The following CSMD1 variants were observed in gnomAD, a reference collection of about 807,000 sequenced individuals.
CSMD1 encodes the protein CUB and sushi domain-containing protein 1.
In CSMD1, 213 loss-of-function variants were observed where a neutral mutation model predicts 417.5. That is an observed-to-expected ratio of 0.51 (90% CI 0.46 to 0.57). The LOEUF (loss-of-function observed/expected upper bound fraction) is 0.57, where lower values mean the gene tolerates loss of function less well. Among genes scored for constraint, CSMD1 ranks in the 20% least tolerant of loss-of-function variants. The pLI, the probability that CSMD1 is intolerant of heterozygous loss-of-function variation, is 0.00. For missense variants in CSMD1, 6,923 were observed against 4,529.7 expected, an observed-to-expected ratio of 1.53 and a Z score of -15.17; for synonymous variants, 2,862 against 1,736.8, an observed-to-expected ratio of 1.65 and a Z score of -16.11.
intron 5 of CSMD1, among the ~76,000 whole-genome samples, chr8:3,774,905 A>G (rs1306005093): frequency 6.6e-6 from 1 of 152,118 alleles, no homozygotes; most frequent in Non-Finnish European, 1.5e-5. Context: ...TGTCTTTTCA[A>G]TATGGTAACC....
chr8:4,840,424 T>C (rs916657015), intron 1 of CSMD1, among the ~76,000 whole-genome samples: 6 of 152,340 alleles, frequency 3.9e-5, no homozygotes, highest in African/African-American at 1.2e-4. Flanking sequence ...TAACCACTTA[T>C]ATGTTGAAGA....
chr8:4,406,240 C>T (rs1285725682), intron 3 of CSMD1, among the ~76,000 whole-genome samples: 1 of 152,120 alleles, frequency 6.6e-6, no homozygotes, highest in African/African-American at 2.4e-5. Context: ...CCAAATGGTG[C>T]AAGTGGCTCT....
chr8:3,325,480 T>C lies in CSMD1; in HGVS notation c.3632-16977A>G, dbSNP rs201508424. ...CTAGGTCCTTTTGTCTTTCTCCAAG[T>C]ACTGGTGGCCAACAACTTATTCCTC... On this transcript the variant is annotated intron_variant, in intron 23 of 69. Coordinates refer to ENST00000635120, the MANE Select transcript of CSMD1 (RefSeq NM_033225.6). 7.9e-5 allele frequency among the ~76,000 whole-genome samples: 12 copies of C among 152,340 alleles called. No individual in the cohort carries two copies. In the East Asian group the frequency reaches 2.3e-3, roughly 29 times the overall value.
intron 1 of CSMD1, among the ~76,000 whole-genome samples, chr8:4,753,316 C>T (rs1318814207): frequency 6.6e-6 from 1 of 151,606 alleles, no homozygotes; most frequent in Non-Finnish European, 1.5e-5. Context: ...TTTAAATGAC[C>T]AGGATAAAAG....
intron 3 of CSMD1, among the ~76,000 whole-genome samples, chr8:4,241,295 C>T (rs1238222500): frequency 1.3e-5 from 2 of 152,204 alleles, no homozygotes; most frequent in African/African-American, 4.8e-5. Context: ...ATTCCCTTTA[C>T]CTGCTGTAAC....
At chr8:3,428,876 G>T (rs531323560) in intron 12 of CSMD1, among the ~76,000 whole-genome samples, 46 of 152,292 alleles carry the variant, frequency 3.0e-4, no homozygotes, top group African/African-American at 9.9e-4. Flanking sequence ...AAGAAATCCT[G>T]TCATTTGCAG....
chr8:4,463,290 G>T (rs1219574344), intron 2 of CSMD1, among the ~76,000 whole-genome samples: 2 of 152,194 alleles, frequency 1.3e-5, no homozygotes, highest in Admixed American at 1.3e-4. Context: ...GTTAGTAAGT[G>T]TTGGTGAGGA....
intron 2 of CSMD1, among the ~76,000 whole-genome samples, chr8:4,630,645 C>CA (rs1166622167): frequency 6.6e-6 from 1 of 152,118 alleles, no homozygotes; most frequent in Non-Finnish European, 1.5e-5. Context: ...AGAATAGTGA[C>CA]AAAATCACCT....
At chr8:4,303,291 T>G (rs2128874531) in intron 3 of CSMD1, among the ~76,000 whole-genome samples, 1 of 152,274 alleles carries the variant, frequency 6.6e-6, no homozygotes, top group Non-Finnish European at 1.5e-5. Context: ...ATAATTATTT[T>G]TACTTAGTTA....
intron 4 of CSMD1, among the ~76,000 whole-genome samples, chr8:4,008,864 C>T (rs1417431646): frequency 2.6e-5 from 4 of 151,978 alleles, no homozygotes; most frequent in Admixed American, 2.6e-4. Flanking sequence ...TCCGCCTCGG[C>T]CTCCCAAAGT....
intron 3 of CSMD1, among the ~76,000 whole-genome samples, chr8:4,193,993 T>G (rs1321118496): frequency 6.6e-6 from 1 of 152,132 alleles, no homozygotes; most frequent in Non-Finnish European, 1.5e-5. Context: ...ATGATTACTA[T>G]ATATCCCCTT....
intron 3 of CSMD1, among the ~76,000 whole-genome samples, chr8:4,097,814 T>A (rs966901219): frequency 3.3e-5 from 5 of 152,328 alleles, no homozygotes; most frequent in East Asian, 1.9e-4. Context: ...GTGGGTGGGT[T>A]ATGTTTGCCC....
At chr8:2,992,525 G>A (rs1806487578) in intron 54 of CSMD1, among the ~76,000 whole-genome samples, 1 of 151,912 alleles carries the variant, frequency 6.6e-6, no homozygotes, top group Non-Finnish European at 1.5e-5. Context: ...CTGGATTCAA[G>A]CAATTCTCCT....
At chr8:4,778,705 C>T (rs139473075) in intron 1 of CSMD1, among the ~76,000 whole-genome samples, 113 of 152,258 alleles carry the variant, frequency 7.4e-4, no homozygotes, top group Non-Finnish European at 1.3e-3. Context: ...GAAATACTTT[C>T]CATGGGACTA....
At chr8:3,417,273 T>C (rs1203896054) in intron 12 of CSMD1, among the ~76,000 whole-genome samples, 1 of 152,208 alleles carries the variant, frequency 6.6e-6, no homozygotes, top group Non-Finnish European at 1.5e-5. Context: ...TGGATTGCAA[T>C]TAATATTCTG....
At chr8:4,062,459 T>A (rs1473228739) in intron 3 of CSMD1, among the ~76,000 whole-genome samples, 1 of 152,140 alleles carries the variant, frequency 6.6e-6, no homozygotes, top group African/African-American at 2.4e-5. Context: ...TCTGACACAA[T>A]GTCAGAATCA....
chr8:4,741,718 C>A (rs1255465402), intron 1 of CSMD1, among the ~76,000 whole-genome samples: 6 of 152,130 alleles, frequency 3.9e-5, no homozygotes, highest in Non-Finnish European at 5.9e-5. Context: ...GTTCCCACAT[C>A]CCTGACATAG....
chr8:3,528,555 A>T (rs975483899), intron 10 of CSMD1, among the ~76,000 whole-genome samples: 10 of 147,744 alleles, frequency 6.8e-5, no homozygotes, highest in Admixed American at 6.6e-4. Flanking sequence ...AAATTAATCA[A>T]ACAAAGTGTT....
At chr8:4,808,509 C>T (rs567405912) in intron 1 of CSMD1, among the ~76,000 whole-genome samples, 1 of 152,284 alleles carries the variant, frequency 6.6e-6, no homozygotes, top group East Asian at 1.9e-4. Flanking sequence ...TAAAACACAT[C>T]CTCTTGGATC....
Sources: gnomAD v4.1 joint callset for allele counts (sites outside exome capture counted in the v4.1 genomes callset) on GRCh38, gnomAD v4.1.1 for gene constraint, MANE v1.5 for transcripts, NCBI Gene and HGNC (gene_info 2026-07-23, HGNC 2026-07-21) for gene names.